The following COLQ variants were observed in gnomAD, a reference collection of about 807,000 sequenced individuals.
COLQ encodes acetylcholinesterase collagenic tail peptide.
COLQ carries 48 observed loss-of-function variants against 69.0 expected under a neutral mutation model. That is an observed-to-expected ratio of 0.70 (90% CI 0.55 to 0.88). COLQ has a LOEUF of 0.88. Among genes scored for constraint, COLQ ranks in the 40% least tolerant of loss-of-function variants. The probability of loss-of-function intolerance (pLI) is 0.00; values close to 1 mark genes in which losing one functional copy is unlikely to be tolerated. For missense variants in COLQ, 618 were observed against 594.6 expected (o/e 1.04, Z -0.41); for synonymous variants, 217 against 211.2 (o/e 1.03, Z -0.24).
At chr3:15,461,230 A>G (rs1159360023) in intron 12 of COLQ, among the ~76,000 whole-genome samples, 1 of 147,742 alleles carries the variant, frequency 6.8e-6, no homozygotes, top group African/African-American at 2.5e-5. Flanking sequence ...TCTAACTCAG[A>G]TAAGTACAAA....
intron 1 of COLQ, among the ~76,000 whole-genome samples, chr3:15,491,595 G>T (rs1228737727): frequency 2.6e-5 from 4 of 152,226 alleles, no homozygotes; most frequent in Non-Finnish European, 5.9e-5. Flanking sequence ...CCACTGGCCT[G>T]TGCCAAAGAC....
chr3:15,462,115 G>A (rs1182195967), intron 12 of COLQ, among the ~76,000 whole-genome samples: 2 of 151,932 alleles, frequency 1.3e-5, no homozygotes, highest in Admixed American at 6.6e-5. Context: ...TGTAACCTCC[G>A]CCTCCCGGGT....
intron 12 of COLQ, among the ~76,000 whole-genome samples, chr3:15,459,860 T>C (rs970894891): frequency 2.6e-5 from 4 of 152,018 alleles, no homozygotes; most frequent in African/African-American, 9.7e-5. Context: ...GTTAGTTACA[T>C]ATGTATACAT....
intron 1 of COLQ, among the ~76,000 whole-genome samples, chr3:15,491,230 G>A (rs1338698532): frequency 1.3e-5 from 2 of 152,126 alleles, no homozygotes; most frequent in Admixed American, 1.3e-4. Context: ...TCACCAAAAT[G>A]CATGTATTAA....
In COLQ at chr3:15,475,575, T is replaced by C. The variant is rs1278615175; in HGVS notation, c.466-88A>G. On this transcript the variant is annotated intron_variant, in intron 6 of 16. Transcript: ENST00000383788. ...GTCACAGGCAAGATTGGGAAGGAACTGGGGATATCAGGGCTGGCTTGTAAA... is the reference window on the plus strand; with the variant it reads ...GTCACAGGCAAGATTGGGAAGGAACCGGGGATATCAGGGCTGGCTTGTAAA... The C allele has an allele frequency of 3.9e-6, 5 of 1,285,546 alleles. No individual in the cohort carries two copies. The Admixed American group carries it at 7.9e-5, about 20-fold the overall frequency. The allele number at this position is 1,285,546 out of a possible 1,614,324, so 79.6% of individuals were successfully genotyped here.
chr3:15,478,697 G>A, intron 5 of COLQ: 1 of 567,346 alleles, frequency 1.8e-6, no homozygotes, highest in East Asian at 3.0e-5. Flanking sequence ...AGATGGTCTG[G>A]GGTTGGGGCG....
chr3:15,512,504 C>T (rs961970816), intron 1 of COLQ, among the ~76,000 whole-genome samples: 8 of 152,276 alleles, frequency 5.3e-5, no homozygotes, highest in East Asian at 1.9e-4. Context: ...CTCTGGGCAA[C>T]GTGTTCCTTC....
chr3:15,466,266 G>C, intron 12 of COLQ, 75 bp downstream of exon 12: 1 of 998,012 alleles, frequency 1.0e-6, no homozygotes, highest in South Asian at 1.3e-5. Flanking sequence ...ATCTCTGCTG[G>C]CATCTCCTTG....
intron 1 of COLQ, among the ~76,000 whole-genome samples, chr3:15,491,726 A>G (rs77265146): frequency 0.039 from 5,934 of 152,326 alleles, 356 homozygotes; most frequent in African/African-American, 0.13. Context: ...TAAAAAATCA[A>G]TACAGTGCTC....
rs750472473 is a variant in COLQ, at chr3:15,474,925, C to A, written c.555G>T (p.Lys185Asn). The change falls in exon 8 of 17, where the codon AAG becomes AAT. Residue 185 changes from lysine to asparagine, a missense_variant and splice_region_variant. Physicochemically the swap from Lys to Asn is moderately conservative, Grantham distance 94. Coordinates refer to ENST00000383788, the MANE Select transcript of COLQ (RefSeq NM_005677.4). Reference protein sequence around the residue: ...SKGYPGSRGEKGSRGEKGDLG... With the variant: ...SKGYPGSRGENGSRGEKGDLG... ...GACACCATCCAAGAAAAGCACTAAC[C>A]TTTTCCCCTCTGGATCCAGGGTAGC... 2.5e-6 allele frequency: 4 copies of A among 1,614,002 alleles called. No homozygotes were observed. The highest frequency in any genetic ancestry group is 1.3e-5 in the African/African-American group (1 of 74,926).
intron 11 of COLQ, chr3:15,467,673 G>A: frequency 2.8e-6 from 1 of 354,166 alleles, no homozygotes; most frequent in Non-Finnish European, 5.6e-6. Context: ...CTAATTGTCT[G>A]CTCTTGCCTC....
intron 12 of COLQ, 21 bp from the exon 13 acceptor site, chr3:15,458,346 G>C: frequency 2.5e-6 from 4 of 1,613,996 alleles, no homozygotes; most frequent in Non-Finnish European, 3.4e-6. Flanking sequence ...ACAGACTGCT[G>C]TGTTACTAGA....
intron 1 of COLQ, among the ~76,000 whole-genome samples, chr3:15,515,131 T>G (rs555895535): frequency 2.6e-5 from 4 of 152,218 alleles, no homozygotes; most frequent in Non-Finnish European, 5.9e-5. Flanking sequence ...GGATAAGTTC[T>G]CAGAGAGATG....
chr3:15,463,432 C>T (rs1401110536), intron 12 of COLQ, among the ~76,000 whole-genome samples: 3 of 151,854 alleles, frequency 2.0e-5, no homozygotes, highest in South Asian at 2.1e-4. Context: ...CTGCAAGCTC[C>T]GCCTCCCGGG....
rs183870856 is a variant in COLQ at position 15,497,207 on chromosome 3, C to T, written c.107-7570G>A. Among the ~76,000 whole-genome samples, 443 of 152,122 alleles carry T rather than the reference C, an allele frequency of 2.9e-3. 1 individual carries two copies. Among genetic ancestry groups the T allele is most frequent in the Non-Finnish European group, 2.0e-3 (135 of 67,974 alleles). On this transcript the variant is annotated intron_variant, in intron 1 of 16. Transcript: ENST00000383788. Reference sequence around the variant, plus strand: ...TACAGGCGAGTGCCACCATGCCTGGCTAATTTTTGTATTTTTACTAGAGAT... The same window carrying T: ...TACAGGCGAGTGCCACCATGCCTGGTTAATTTTTGTATTTTTACTAGAGAT...
intron 8 of COLQ, among the ~76,000 whole-genome samples, 161 bp from the exon 9 acceptor site, chr3:15,474,433 G>C (rs2062343357): frequency 6.6e-6 from 1 of 152,184 alleles, no homozygotes; most frequent in Non-Finnish European, 1.5e-5. Context: ...AATGCTTTGT[G>C]ATCTACTTCT....
At chr3:15,506,015 G>T (rs1191314907) in intron 1 of COLQ, among the ~76,000 whole-genome samples, 1 of 152,194 alleles carries the variant, frequency 6.6e-6, no homozygotes, top group Non-Finnish European at 1.5e-5. Context: ...GGGTTCCTGG[G>T]AGTCCCATGG....
At chr3:15,498,580 C>T in intron 1 of COLQ, 8 of 1,551,958 alleles carry the variant, frequency 5.2e-6, no homozygotes, top group Non-Finnish European at 7.0e-6. Context: ...GAATGATGAG[C>T]CCGTCATTGT....
At chr3:15,475,624 CT>C in intron 6 of COLQ, 137 bp from the exon 7 acceptor site, 1 of 753,306 alleles carries the variant, frequency 1.3e-6, no homozygotes, top group Non-Finnish European at 2.3e-6. Flanking sequence ...GATGCACCCA[CT>C]TTCTCCCTCC....
Sources: gnomAD v4.1 joint callset for allele counts (sites outside exome capture counted in the v4.1 genomes callset) on GRCh38, gnomAD v4.1.1 for gene constraint, MANE v1.5 for transcripts, NCBI Gene and HGNC (gene_info 2026-07-23, HGNC 2026-07-21) for gene names.